Variants in FAM20B observed in about 807,000 individuals in gnomAD.
The protein encoded by FAM20B is glycosaminoglycan xylosylkinase.
A neutral mutation model predicts 43.8 loss-of-function variants in FAM20B; 23 were observed. The observed-to-expected ratio is 0.53, with a 90% CI of 0.38 to 0.74. The LOEUF (loss-of-function observed/expected upper bound fraction) is 0.74, where lower values mean the gene tolerates loss of function less well. Among genes scored for constraint, FAM20B ranks in the 30% least tolerant of loss-of-function variants. The probability of loss-of-function intolerance (pLI) is 0.00; values close to 1 mark genes in which losing one functional copy is unlikely to be tolerated. For synonymous variants in FAM20B, 178 were observed against 192.4 expected (o/e 0.93, Z 0.62); for missense variants, 440 against 510.5 (o/e 0.86, Z 1.33).
chr1:179,063,871 G>T, intron 4 of FAM20B, 56 bp from the exon 5 acceptor site: 1 of 1,307,918 alleles, frequency 7.6e-7, no homozygotes, highest in South Asian at 1.4e-5. Flanking sequence ...ATTTGGGAGA[G>T]AACTTGGAGT....
At chr1:179,040,492 A>AC (rs1158186485) in intron 1 of FAM20B, among the ~76,000 whole-genome samples, 4 of 112,766 alleles carry the variant, frequency 3.5e-5, no homozygotes, top group Non-Finnish European at 7.2e-5. Context: ...CGGGGGGCTG[A>AC]CCCCCCCACC....
Position 179,044,155 on chromosome 1 carries a change from A to G in FAM20B, c.308A>G (p.Tyr103Cys). ...TKKIIKADVG[Y>C]KGTQLKALLI... is the part of the protein sequence containing the mutation. Reference sequence around the variant, plus strand: ...AAAATCATTAAAGCTGATGTGGGTTATAAAGGGACACAGCTGAAAGCCTTA... The same window carrying G: ...AAAATCATTAAAGCTGATGTGGGTTGTAAAGGGACACAGCTGAAAGCCTTA... Residue 103 changes from tyrosine (Y) to cysteine (C), a missense_variant, in exon 2 of 8, where the codon TAT becomes TGT. Physicochemically the swap from Tyr to Cys is radical, Grantham distance 194 (BLOSUM62 -2). Coordinates refer to ENST00000263733, the MANE Select transcript of FAM20B (RefSeq NM_014864.4). The G allele has an allele frequency of 6.2e-7, 1 of 1,614,194 alleles. No homozygotes were observed. Among genetic ancestry groups the G allele is most frequent in the Non-Finnish European group, 8.5e-7 (1 of 1,180,026 alleles).
At position 179,039,974 on chromosome 1, in the gene FAM20B, C is replaced by T. The variant is rs990140416; in HGVS notation, c.-133-3741C>T. Among the ~76,000 whole-genome samples the T allele has an allele frequency of 6.1e-4, 93 of 152,156 alleles. 1 individual carries two copies. Among genetic ancestry groups the T allele is most frequent in the Non-Finnish European group, 1.5e-4 (10 of 68,032 alleles). ...GCCTTCAAACATCTGTTTAACAAAG[C>T]ACATCTTGCACCGCCCTTAATCCAT... is the stretch of plus-strand genomic sequence containing the variant. On this transcript the variant is annotated intron_variant, in intron 1 of 7. Coordinates refer to ENST00000263733, the MANE Select transcript of FAM20B (RefSeq NM_014864.4).
chr1:179,043,634 A>G (rs898909476), intron 1 of FAM20B, 81 bp from the exon 2 acceptor site: 2 of 488,878 alleles, frequency 4.1e-6, no homozygotes, highest in Non-Finnish European at 7.2e-6. Flanking sequence ...AGGGTGAGTC[A>G]TATATTAGAG....
chr1:179,036,249 C>G (rs1650221314), intron 1 of FAM20B, among the ~76,000 whole-genome samples: 1 of 152,190 alleles, frequency 6.6e-6, no homozygotes, highest in Admixed American at 6.5e-5. Context: ...CTTTCCAGAA[C>G]TCCAGGCTGG....
chr1:179,021,611 C>T (rs1649605329), upstream of FAM20B, among the ~76,000 whole-genome samples: 2 of 152,196 alleles, frequency 1.3e-5, no homozygotes, highest in Admixed American at 6.5e-5. Context: ...CTTTGAGAGC[C>T]ATAACTCCTC....
intron 1 of FAM20B, among the ~76,000 whole-genome samples, chr1:179,030,262 G>A (rs1302017360): frequency 6.6e-6 from 1 of 151,606 alleles, no homozygotes; most frequent in Non-Finnish European, 1.5e-5. Context: ...TAGTGAACGT[G>A]TGCTCTGTAT....
At chr1:179,069,162 A>G (rs564508155) in intron 7 of FAM20B, among the ~76,000 whole-genome samples, 1 of 152,212 alleles carries the variant, frequency 6.6e-6, no homozygotes, top group East Asian at 1.9e-4. Context: ...CAGGTCACCA[A>G]GGACCCACAC....
At chr1:179,054,320 C>T (rs951659534) in intron 3 of FAM20B, among the ~76,000 whole-genome samples, 1 of 152,046 alleles carries the variant, frequency 6.6e-6, no homozygotes, top group Admixed American at 6.6e-5. Context: ...TCAGATTTGT[C>T]TTATTCTTTT....
At chr1:179,040,855 A>G (rs1650478281) in intron 1 of FAM20B, among the ~76,000 whole-genome samples, 1 of 148,042 alleles carries the variant, frequency 6.8e-6, no homozygotes, top group Non-Finnish European at 1.5e-5. Context: ...CTCACTTCTC[A>G]GACAGGGCGG....
In FAM20B at chr1:179,073,592, G is replaced by C. The variant is rs566872185; in HGVS notation, c.*1448G>C. 2.0e-5 allele frequency: 3 copies of C among 152,252 alleles called. No homozygotes were observed. Among genetic ancestry groups the C allele is most frequent in the South Asian group, 4.1e-4 (2 of 4,826 alleles). 9.4% of individuals were successfully genotyped at this position (152,252 alleles called of 1,614,324 possible). A position where few individuals can be genotyped will look rare whatever the true frequency, so the allele number is the denominator to read the frequency against. ...CCTGCCTCAGCCTTCCAAAGTGCTGGGATTACAGGCATGAGCCACCGTGGC... is the reference window on the plus strand; with the variant it reads ...CCTGCCTCAGCCTTCCAAAGTGCTGCGATTACAGGCATGAGCCACCGTGGC... On this transcript the variant is annotated 3_prime_UTR_variant, in exon 8 of 8. Transcript: ENST00000263733.
At chr1:179,054,128 A>G (rs1232549726) in intron 3 of FAM20B, among the ~76,000 whole-genome samples, 6 of 150,240 alleles carry the variant, frequency 4.0e-5, no homozygotes, top group Admixed American at 6.6e-5. Context: ...TTTAACCAAC[A>G]TGCTGTTTTA....
At chr1:179,053,671 C>T (rs1165803530) in intron 3 of FAM20B, among the ~76,000 whole-genome samples, 1 of 152,178 alleles carries the variant, frequency 6.6e-6, no homozygotes, top group Non-Finnish European at 1.5e-5. Flanking sequence ...AGGACAGAAT[C>T]AGCAGCCCTA....
At chr1:179,047,338 A>G (rs1231652609) in intron 2 of FAM20B, among the ~76,000 whole-genome samples, 1 of 152,088 alleles carries the variant, frequency 6.6e-6, no homozygotes, top group East Asian at 1.9e-4. Flanking sequence ...CAGAAGACTT[A>G]TTATCACTAT....
chr1:179,058,380 A>G (rs1651314413), intron 4 of FAM20B, among the ~76,000 whole-genome samples: 1 of 152,200 alleles, frequency 6.6e-6, no homozygotes. Context: ...GGTTAGTGAA[A>G]ATAAAGATGT....
At chr1:179,020,048 C>T in the FAM20B span, among the ~76,000 whole-genome samples, 1 of 152,074 alleles carries the variant, frequency 6.6e-6, no homozygotes, top group Admixed American at 6.5e-5. Flanking sequence ...CCTCCCTGTG[C>T]CACAAACATC....
chr1:179,033,528 G>A (rs1026631753), intron 1 of FAM20B, among the ~76,000 whole-genome samples: 1 of 152,084 alleles, frequency 6.6e-6, no homozygotes, highest in Non-Finnish European at 1.5e-5. Flanking sequence ...TGAGATAATT[G>A]TTTTTAGTCA....
chr1:179,063,110 C>G (rs1335281213), intron 4 of FAM20B, among the ~76,000 whole-genome samples: 1 of 152,138 alleles, frequency 6.6e-6, no homozygotes, highest in Non-Finnish European at 1.5e-5. Context: ...AACCCTGTCT[C>G]TACTACAAAT....
At chr1:179,034,000 CTTATAA>C (rs1362588561) in intron 1 of FAM20B, among the ~76,000 whole-genome samples, 2 of 152,116 alleles carry the variant, frequency 1.3e-5, no homozygotes, top group Non-Finnish European at 2.9e-5. Context: ...CCTGTTATTT[CTTATAA>C]TTATATAGGT....
Sources: allele counts gnomAD v4.1 joint callset (sites outside exome capture counted in the v4.1 genomes callset), GRCh38; gene constraint gnomAD v4.1.1; transcripts MANE v1.5; gene names NCBI Gene and HGNC (gene_info 2026-07-23, HGNC 2026-07-21).